The following GRAMD1B variants were observed in gnomAD, a reference collection of about 807,000 sequenced individuals.
GRAMD1B encodes protein Aster-B.
Under a neutral mutation model 99.7 loss-of-function variants are expected in GRAMD1B, and 37 were observed. The observed-to-expected ratio is 0.37, with a 90% CI of 0.29 to 0.49. The LOEUF is 0.49. Among genes scored for constraint, GRAMD1B ranks in the 20% least tolerant of loss-of-function variants. The pLI, the probability that GRAMD1B is intolerant of heterozygous loss-of-function variation, is 0.98. For missense variants in GRAMD1B, 888 were observed against 1,009.2 expected, an observed-to-expected ratio of 0.88 and a Z score of 1.63; for synonymous variants, 427 against 387.6, an observed-to-expected ratio of 1.10 and a Z score of -1.19.
intron 1 of GRAMD1B, among the ~76,000 whole-genome samples, chr11:123,462,878 T>TA (rs1245220998): frequency 2.8e-5 from 1 of 35,434 alleles, no homozygotes; most frequent in Non-Finnish European, 5.3e-5. Flanking sequence ...GAATTATCAA[T>TA]AAAAAAATAA....
intron 4 of GRAMD1B, among the ~76,000 whole-genome samples, chr11:123,589,948 G>T (rs1476240619): frequency 1.3e-5 from 2 of 152,092 alleles, no homozygotes; most frequent in African/African-American, 4.8e-5. Flanking sequence ...TTGTTTTAAG[G>T]GTCTGACTTT....
chr11:123,513,515 T>C (rs540388560), intron 2 of GRAMD1B, among the ~76,000 whole-genome samples: 3 of 144,944 alleles, frequency 2.1e-5, no homozygotes, highest in African/African-American at 5.5e-5. Flanking sequence ...TCTTTCTTTC[T>C]TTCCTTCCTT....
chr11:123,495,530 A>G (rs189318857), intron 2 of GRAMD1B, among the ~76,000 whole-genome samples: 2 of 152,210 alleles, frequency 1.3e-5, no homozygotes, highest in Admixed American at 1.3e-4. Flanking sequence ...TTCTGTACCC[A>G]TTGATCAGCC....
chr11:123,519,074 G>A (rs976935980), intron 2 of GRAMD1B, among the ~76,000 whole-genome samples: 5 of 152,208 alleles, frequency 3.3e-5, no homozygotes, highest in South Asian at 2.1e-4. Flanking sequence ...CCCTCTGGCC[G>A]GGTGCCTGCC....
intron 10 of GRAMD1B, 28 bp from the exon 11 acceptor site, chr11:123,606,581 G>C (rs1952761133): frequency 6.3e-7 from 1 of 1,589,470 alleles, no homozygotes; most frequent in South Asian, 1.1e-5. Context: ...GGTTTCCCTG[G>C]TGGGTGACTC....
At chr11:123,514,112 C>G (rs1191176581) in intron 2 of GRAMD1B, among the ~76,000 whole-genome samples, 1 of 152,174 alleles carries the variant, frequency 6.6e-6, no homozygotes, top group African/African-American at 2.4e-5. Context: ...AAGAGTTGTT[C>G]ATGGGTCCTC....
intron 2 of GRAMD1B, among the ~76,000 whole-genome samples, chr11:123,522,597 G>A (rs1333775360): frequency 6.6e-6 from 1 of 152,142 alleles, no homozygotes; most frequent in Non-Finnish European, 1.5e-5. Context: ...AGGATTACAG[G>A]TGTGAGCCAC....
At chr11:123,415,036 G>A (rs969904939) in intron 1 of GRAMD1B, among the ~76,000 whole-genome samples, 1 of 151,594 alleles carries the variant, frequency 6.6e-6, no homozygotes, top group Non-Finnish European at 1.5e-5. Flanking sequence ...TTGTATGAAA[G>A]GCCCCTAAGG....
At position 123,623,246 on chromosome 11, in the gene GRAMD1B, C is replaced by T. The variant is rs1468244192; in HGVS notation, c.*651C>T. 1 of 152,130 alleles carries T rather than the reference C, an allele frequency of 6.6e-6. No individual in the cohort carries two copies. Among genetic ancestry groups the T allele is most frequent in the African/African-American group, 2.4e-5 (1 of 41,414 alleles). The allele number at this position is 152,130 out of a possible 1,614,324, so 9.4% of individuals were successfully genotyped here. A position where few individuals can be genotyped will look rare whatever the true frequency, so the allele number is the denominator to read the frequency against. ...GACTCGTGTTCTGAAGGATACTCTC[C>T]TCCATCACCCCTGCACCTTCCTCCG... On this transcript the variant is annotated 3_prime_UTR_variant, in exon 20 of 20. Coordinates refer to ENST00000635736, the MANE Select transcript of GRAMD1B (RefSeq NM_001387025.1).
chr11:123,495,915 C>T (rs1017357392), intron 2 of GRAMD1B, among the ~76,000 whole-genome samples: 4 of 152,140 alleles, frequency 2.6e-5, no homozygotes, highest in East Asian at 1.9e-4. Context: ...GTACTTTCTG[C>T]GTCTTGAAAA....
At chr11:123,386,925 T>C (rs553150126) in intron 1 of GRAMD1B, among the ~76,000 whole-genome samples, 13 of 152,340 alleles carry the variant, frequency 8.5e-5, no homozygotes, top group African/African-American at 2.4e-4. Flanking sequence ...TGGAGGAAGA[T>C]GACATCAGCC....
chr11:123,457,117 A>AAAGAAAGAAAGAAAGAAAGAAAG, intron 1 of GRAMD1B, among the ~76,000 whole-genome samples: 1 of 99,436 alleles, frequency 1.0e-5, no homozygotes, highest in Non-Finnish European at 2.2e-5. Flanking sequence ...TTCTGAGAAA[A>AAAGAAAGAAAGAAAGAAAGAAAG]AAAGAAAGAA....
At chr11:123,414,180 G>C (rs182093563) in intron 1 of GRAMD1B, among the ~76,000 whole-genome samples, 1 of 152,018 alleles carries the variant, frequency 6.6e-6, no homozygotes. Flanking sequence ...GAGTAGCTGG[G>C]ACTACAGGTG....
At chr11:123,524,350 T>G (rs1005738658) in intron 2 of GRAMD1B, among the ~76,000 whole-genome samples, 3 of 151,094 alleles carry the variant, frequency 2.0e-5, no homozygotes, top group Non-Finnish European at 4.4e-5. Context: ...TTTATTTTAT[T>G]TTTTGTTTGA....
At chr11:123,538,366 C>A (rs850291) in intron 2 of GRAMD1B, among the ~76,000 whole-genome samples, 1 of 151,808 alleles carries the variant, frequency 6.6e-6, no homozygotes, top group African/African-American at 2.4e-5. Context: ...GGAACAGCCA[C>A]CTGACTGATT....
At chr11:123,379,817 G>A (rs945089390) in intron 1 of GRAMD1B, among the ~76,000 whole-genome samples, 7 of 152,234 alleles carry the variant, frequency 4.6e-5, no homozygotes, top group South Asian at 2.1e-4. Context: ...ATATATATGC[G>A]GGTTCTAACT....
intron 4 of GRAMD1B, among the ~76,000 whole-genome samples, chr11:123,585,054 C>T (rs1949928308): frequency 6.6e-6 from 1 of 152,224 alleles, no homozygotes; most frequent in South Asian, 2.1e-4. Flanking sequence ...GTGTGTTCTG[C>T]TCTTTGGGGA....
chr11:123,555,408 G>A (rs962147410), intron 2 of GRAMD1B, among the ~76,000 whole-genome samples: 2 of 152,154 alleles, frequency 1.3e-5, no homozygotes, highest in African/African-American at 4.8e-5. Context: ...GGGTGCAATG[G>A]TGCGATCTTG....
intron 1 of GRAMD1B, among the ~76,000 whole-genome samples, chr11:123,457,768 G>A (rs1188399842): frequency 2.6e-5 from 4 of 152,166 alleles, no homozygotes; most frequent in Non-Finnish European, 4.4e-5. Flanking sequence ...CTGGGCTGGA[G>A]TGCGCTGGTG....
Sources: allele counts gnomAD v4.1 joint callset (sites outside exome capture counted in the v4.1 genomes callset), GRCh38; gene constraint gnomAD v4.1.1; transcripts MANE v1.5; gene names NCBI Gene and HGNC (gene_info 2026-07-23, HGNC 2026-07-21).